The following FHIT variants were observed in gnomAD, a reference collection of about 807,000 sequenced individuals.
FHIT encodes the protein bis(5'-adenosyl)-triphosphatase.
A neutral mutation model predicts 17.9 loss-of-function variants in FHIT; 19 were observed. The ratio of observed to expected loss-of-function variants is 1.06; its 90% confidence interval spans 0.74 to 1.56. The LOEUF (loss-of-function observed/expected upper bound fraction) is 1.56, where lower values mean the gene tolerates loss of function less well. Ranked by LOEUF, FHIT falls within the 40% of genes most tolerant of loss-of-function variation. The pLI is 0.00. For synonymous variants in FHIT, 81 were observed against 69.7 expected (o/e 1.16, Z -0.81); for missense variants, 248 against 189.2 (o/e 1.31, Z -1.82).
At chr3:61,150,307 G>A (rs1194076864) in intron 2 of FHIT, among the ~76,000 whole-genome samples, 2 of 151,900 alleles carry the variant, frequency 1.3e-5, no homozygotes, top group East Asian at 3.9e-4. Context: ...TTGGAAATGT[G>A]AGGAGCGGTG....
intron 5 of FHIT, among the ~76,000 whole-genome samples, chr3:60,240,923 G>T (rs1044766528): frequency 2.0e-5 from 3 of 152,102 alleles, no homozygotes; most frequent in African/African-American, 4.8e-5. Context: ...ATTAAAACAT[G>T]CCACAGGTTT....
intron 5 of FHIT, among the ~76,000 whole-genome samples, chr3:60,395,046 T>C (rs965111081): frequency 2.0e-5 from 3 of 152,206 alleles, no homozygotes; most frequent in African/African-American, 4.8e-5. Flanking sequence ...AAAAAGAATG[T>C]GGCTTTTGGA....
chr3:60,400,397 C>G (rs1264118854), intron 5 of FHIT, among the ~76,000 whole-genome samples: 1 of 152,086 alleles, frequency 6.6e-6, no homozygotes, highest in Non-Finnish European at 1.5e-5. Flanking sequence ...TGGCCAAGTT[C>G]GTGGCATCAG....
chr3:61,244,015 T>G (rs1479301727), intron 1 of FHIT: 3 of 152,198 alleles, frequency 2.0e-5, no homozygotes, highest in African/African-American at 7.2e-5. Context: ...TTATACCTGA[T>G]TCATTCCACG....
intron 5 of FHIT, chr3:60,536,012 G>GGAAAATATTTATTATCAGAAT (rs1449373275): frequency 1.3e-5 from 2 of 152,012 alleles, no homozygotes; most frequent in Non-Finnish European, 2.9e-5. Context: ...CTTATTATCT[G>GGAAAATATTTATTATCAGAAT]AAAATATCAA....
intron 4 of FHIT, among the ~76,000 whole-genome samples, chr3:60,690,938 A>T (rs1244681699): frequency 1.3e-5 from 2 of 151,380 alleles, no homozygotes; most frequent in Non-Finnish European, 2.9e-5. Flanking sequence ...TTTGTACCAT[A>T]TAGTGTGGCC....
intron 5 of FHIT, among the ~76,000 whole-genome samples, chr3:60,287,960 G>A (rs1459420492): frequency 7.0e-6 from 1 of 142,602 alleles, no homozygotes; most frequent in East Asian, 2.1e-4. Flanking sequence ...TAAATATTTA[G>A]TATCTTATAC....
chr3:60,094,552 C>T lies in FHIT; in HGVS notation c.104-80400G>A, dbSNP rs758983276. ...TTCACTGTTTCCTATTCTGAGACAA[C>T]CTAATTGAAGGTGGCATTCCAAGGT... On this transcript the variant is annotated intron_variant, in intron 5 of 9. Coordinates refer to ENST00000492590, the MANE Select transcript of FHIT (RefSeq NM_002012.4). Among the ~76,000 whole-genome samples, 16 of 152,184 alleles carry T rather than the reference C, an allele frequency of 1.1e-4. 1 individual carries two copies. Among genetic ancestry groups the T allele is most frequent in the Admixed American group, 1.3e-4 (2 of 15,278 alleles).
intron 5 of FHIT, among the ~76,000 whole-genome samples, chr3:60,362,001 T>C (rs960733049): frequency 1.3e-5 from 2 of 152,164 alleles, no homozygotes; most frequent in African/African-American, 4.8e-5. Context: ...ACATCGTCAC[T>C]CAACCAAACT....
chr3:60,914,584 C>T (rs782297729), intron 3 of FHIT, among the ~76,000 whole-genome samples: 10 of 151,850 alleles, frequency 6.6e-5, no homozygotes, highest in Non-Finnish European at 1.3e-4. Context: ...GGAATGGGGT[C>T]ATAGGGACAC....
chr3:60,947,534 C>T (rs533232321), intron 3 of FHIT, among the ~76,000 whole-genome samples: 112 of 152,238 alleles, frequency 7.4e-4, no homozygotes, highest in African/African-American at 2.6e-3. Flanking sequence ...GAAATTTGTT[C>T]TTTGGTATCC....
intron 5 of FHIT, among the ~76,000 whole-genome samples, chr3:60,116,222 TGTAATGTAAGTAAAGTA>T (rs1196998746): frequency 1.3e-5 from 2 of 152,194 alleles, no homozygotes; most frequent in East Asian, 3.8e-4. Flanking sequence ...GTACAAAGGC[TGTAATGTAAGTAAAGTA>T]GAAATATAAA....
intron 1 of FHIT, among the ~76,000 whole-genome samples, chr3:61,204,197 G>C (rs2039129105): frequency 6.6e-6 from 1 of 152,096 alleles, no homozygotes; most frequent in African/African-American, 2.4e-5. Flanking sequence ...ACAAAATAAA[G>C]AAAGGGAAGA....
chr3:60,374,661 G>A (rs185718059), intron 5 of FHIT, among the ~76,000 whole-genome samples: 183 of 151,244 alleles, frequency 1.2e-3, no homozygotes, highest in African/African-American at 4.4e-3. Flanking sequence ...GACTTCAAGC[G>A]TGGAGCTAGA....
chr3:60,780,411 G>A (rs1161838316), intron 4 of FHIT, among the ~76,000 whole-genome samples: 1 of 152,102 alleles, frequency 6.6e-6, no homozygotes, highest in Non-Finnish European at 1.5e-5. Context: ...CCAGCAAAAG[G>A]GTAAAGTTTT....
rs186515101 is a variant in FHIT at position 60,767,776 on chromosome 3, G to T, written c.-18+54143C>A. 3.9e-4 allele frequency among the ~76,000 whole-genome samples: 60 copies of T among 152,248 alleles called. 1 individual carries two copies. The highest frequency in any genetic ancestry group is 1.3e-3 in the African/African-American group (52 of 41,558). ...TGTTAAGCAACTCTTGTTCTATTGC[G>T]CCCCAACAAGAGACAGAATGTTTCA... On this transcript the variant is annotated intron_variant, in intron 4 of 9. Coordinates refer to ENST00000492590, the MANE Select transcript of FHIT (RefSeq NM_002012.4).
rs549948974 is a variant in FHIT at position 60,878,125 on chromosome 3, T to C, written c.-110-56114A>G. Among the ~76,000 whole-genome samples the C allele has an allele frequency of 2.6e-5, 4 of 152,216 alleles. No homozygotes were observed. The South Asian group carries it at 8.3e-4, about 32-fold the overall frequency. ...AGAGCTGAGCCAGGGCTGTATCCTA[T>C]TCCCCAGGGGTAGAATCACAGCTAC... On this transcript the variant is annotated intron_variant, in intron 3 of 9. Transcript: ENST00000492590.
At chr3:60,066,499 A>G (rs1453492259) in intron 5 of FHIT, among the ~76,000 whole-genome samples, 1 of 152,074 alleles carries the variant, frequency 6.6e-6, no homozygotes, top group African/African-American at 2.4e-5. Flanking sequence ...CAAGATGGAG[A>G]GTTAGACTGT....
chr3:60,882,547 G>T (rs1441279051), intron 3 of FHIT, among the ~76,000 whole-genome samples: 1 of 152,148 alleles, frequency 6.6e-6, no homozygotes, highest in Non-Finnish European at 1.5e-5. Context: ...TCCCAGCGAT[G>T]CAAGGACGGT....
Sources: allele counts gnomAD v4.1 joint callset (sites outside exome capture counted in the v4.1 genomes callset), GRCh38; gene constraint gnomAD v4.1.1; transcripts MANE v1.5; gene names NCBI Gene and HGNC (gene_info 2026-07-23, HGNC 2026-07-21).